Variants in TTLL7 observed in about 807,000 individuals in gnomAD.
The protein encoded by TTLL7 is tubulin tyrosine ligase like 7.
A neutral mutation model predicts 120.2 loss-of-function variants in TTLL7; 53 were observed. The observed-to-expected ratio is 0.44, with a 90% CI of 0.35 to 0.55. The LOEUF (loss-of-function observed/expected upper bound fraction) is 0.55. TTLL7 is among the 20% of genes least tolerant of loss of function. TTLL7 has a pLI of 0.00. For synonymous variants in TTLL7, 353 were observed against 351.7 expected, an observed-to-expected ratio of 1.00 and a Z score of -0.04; for missense variants, 803 against 1,054.7, an observed-to-expected ratio of 0.76 and a Z score of 3.31.
chr1:83,950,750 A>C (rs1236058492), intron 3 of TTLL7, among the ~76,000 whole-genome samples: 2 of 152,126 alleles, frequency 1.3e-5, no homozygotes, highest in East Asian at 3.9e-4. Context: ...GTCCCAGGTG[A>C]CAGTGTACAA....
intron 1 of TTLL7, among the ~76,000 whole-genome samples, chr1:83,983,238 T>C (rs1378067183): frequency 1.3e-5 from 2 of 151,874 alleles, no homozygotes; most frequent in East Asian, 3.9e-4. Context: ...GGCTGAGGCA[T>C]GAGAATCCCT....
Position 83,974,872 on chromosome 1 carries a change from A to G in TTLL7, c.-176-22485T>C, listed in dbSNP as rs565812891. Among the ~76,000 whole-genome samples, 5 of 152,186 alleles carry G rather than the reference A, an allele frequency of 3.3e-5. No homozygotes were observed. The East Asian group carries it at 5.8e-4, about 18-fold the overall frequency. ...ATCTAAAAATTTTTTTAAGTTTACA[A>G]TCTCTATTCTGGAGGCCAATTCCAT... On this transcript the variant is annotated intron_variant, in intron 1 of 20. Transcript: ENST00000260505.
Position 83,998,956 on chromosome 1 carries a change from TC to T in TTLL7, c.-203del. The stretch of plus-strand genomic sequence containing the variant: ...CCGGGTGAGGAAAGCCCAGCCCGGG[TC>T]CTCGCGTCCCCGCTGCAAGCGGTCC... On this transcript the variant is annotated 5_prime_UTR_variant, in exon 1 of 21. Transcript: ENST00000260505. 1 of 431,198 alleles carries T rather than the reference TC, an allele frequency of 2.3e-6. No individual in the cohort carries two copies. The highest frequency in any genetic ancestry group is 4.6e-6 in the Non-Finnish European group (1 of 216,232). The allele number at this position is 431,198 out of a possible 1,614,324, so 26.7% of individuals were successfully genotyped here.
At chr1:83,976,058 T>C (rs1651452173) in intron 1 of TTLL7, among the ~76,000 whole-genome samples, 1 of 150,844 alleles carries the variant, frequency 6.6e-6, no homozygotes, top group Non-Finnish European at 1.5e-5. Flanking sequence ...TGTGTGTGTG[T>C]GTGTGTGTGT....
chr1:83,887,406 G>A (rs1655056863), intron 19 of TTLL7: 2 of 235,132 alleles, frequency 8.5e-6, no homozygotes, highest in African/African-American at 2.3e-5. Flanking sequence ...GAGAAGGCAT[G>A]ATTCAAAGGA....
intron 1 of TTLL7, among the ~76,000 whole-genome samples, chr1:83,972,850 T>C (rs1651117021): frequency 6.6e-6 from 1 of 152,136 alleles, no homozygotes; most frequent in Non-Finnish European, 1.5e-5. Context: ...TTTATATGCT[T>C]ATTGCCATCT....
chr1:83,871,896 CA>C (rs1281907006), intron 20 of TTLL7, among the ~76,000 whole-genome samples: 1,247 of 43,990 alleles, frequency 0.028, 7 homozygotes, highest in African/African-American at 0.078. Context: ...GACTCCATCT[CA>C]AAAAAAAAAA....
chr1:83,970,774 G>A (rs1650899032), intron 1 of TTLL7, among the ~76,000 whole-genome samples: 1 of 151,986 alleles, frequency 6.6e-6, no homozygotes, highest in Non-Finnish European at 1.5e-5. Flanking sequence ...TAGAAATACT[G>A]GCAGGGGAGC....
rs377489362 is a variant in TTLL7, at chr1:83,919,706, C to A, written c.1493G>T (p.Arg498Met). 1.2e-6 allele frequency: 2 copies of A among 1,609,920 alleles called. No homozygotes were observed. Among genetic ancestry groups the A allele is most frequent in the South Asian group, 2.2e-5 (2 of 90,522 alleles). ...FQRELNNPLK[R>M]MKEEDILDLL... ...AAACATTCATTCTCTTACCTTCATC[C>A]TTTTCAAAGGATTATTCAACTCTCG... Residue 498 changes from arginine to methionine, a missense_variant, in exon 13 of 21, where the codon AGG becomes ATG. Physicochemically the swap from Arg to Met is moderately conservative, Grantham distance 91. Around this residue, in one of 3 missense-constraint regions of TTLL7, gnomAD observed 324 missense variants for 507.7 expected, o/e 0.64. Coordinates refer to ENST00000260505, the MANE Select transcript of TTLL7 (RefSeq NM_024686.6).
chr1:83,942,804 G>A, intron 6 of TTLL7, 125 bp from the exon 7 acceptor site: 1 of 649,138 alleles, frequency 1.5e-6, no homozygotes, highest in South Asian at 2.2e-5. Flanking sequence ...CTCCACAAAA[G>A]CAATGAAGAG....
chr1:83,887,022 TG>T (rs1443898655), intron 19 of TTLL7, among the ~76,000 whole-genome samples: 3 of 152,032 alleles, frequency 2.0e-5, no homozygotes, highest in Admixed American at 2.0e-4. Flanking sequence ...TTACTGGGCA[TG>T]GGCATCAGCA....
intron 9 of TTLL7, among the ~76,000 whole-genome samples, chr1:83,933,121 T>C (rs187911921): frequency 4.6e-5 from 7 of 152,166 alleles, no homozygotes; most frequent in East Asian, 3.9e-4. Flanking sequence ...CCCAGGTATA[T>C]AACATGGCCT....
At chr1:83,870,144 G>T (rs1653220225) in intron 20 of TTLL7, 62 bp from the exon 21 acceptor site, 2 of 1,434,262 alleles carry the variant, frequency 1.4e-6, no homozygotes, top group Non-Finnish European at 1.9e-6. Flanking sequence ...TCACTAAAGG[G>T]TTATGTGGTT....
intron 6 of TTLL7, among the ~76,000 whole-genome samples, chr1:83,943,608 T>C (rs1648190938): frequency 1.3e-5 from 2 of 152,310 alleles, no homozygotes; most frequent in South Asian, 4.1e-4. Context: ...TCAGTGGCCA[T>C]ACACAGCAAA....
intron 1 of TTLL7, among the ~76,000 whole-genome samples, chr1:83,990,272 T>C (rs2100642601): frequency 6.7e-6 from 1 of 149,568 alleles, no homozygotes; most frequent in East Asian, 2.0e-4. Flanking sequence ...GCTTCCTGGG[T>C]TCACGCCATT....
At chr1:83,921,489 G>A (rs1310464479) in intron 10 of TTLL7, 95 bp from the exon 11 acceptor site, 2 of 1,339,272 alleles carry the variant, frequency 1.5e-6, no homozygotes, top group African/African-American at 2.9e-5. Flanking sequence ...ACATAGTGAA[G>A]CTCAGAATCA....
chr1:83,902,516 A>T (rs1349705626), intron 18 of TTLL7, among the ~76,000 whole-genome samples: 4 of 152,042 alleles, frequency 2.6e-5, no homozygotes, highest in Admixed American at 6.6e-5. Flanking sequence ...GCAATATGTG[A>T]CACAATTGAT....
chr1:83,866,407 A>G lies in TTLL7; in HGVS notation c.*3555T>C, dbSNP rs1487985941. ...GTTAGATACAAAATTCCATACTCAT[A>G]TATTTTACAAATTAAAAAGACAGTT... On this transcript the variant is annotated 3_prime_UTR_variant, in exon 21 of 21. Coordinates refer to ENST00000260505, the MANE Select transcript of TTLL7 (RefSeq NM_024686.6). 6.6e-6 allele frequency: 1 copy of G among 151,888 alleles called. No individual in the cohort carries two copies. The highest frequency in any genetic ancestry group is 2.1e-4 in the South Asian group (1 of 4,832). The allele number at this position is 151,888 out of a possible 1,614,324, so 9.4% of individuals were successfully genotyped here.
intron 1 of TTLL7, chr1:83,979,461 T>C (rs1187113839): frequency 2.0e-5 from 3 of 152,168 alleles, no homozygotes; most frequent in African/African-American, 4.8e-5. Context: ...AGAGAAATAA[T>C]TGGGTAAGTC....
Sources: allele counts gnomAD v4.1 joint callset (sites outside exome capture counted in the v4.1 genomes callset), GRCh38; gene constraint gnomAD v4.1.1; regional missense constraint gnomAD v4.1.1; transcripts MANE v1.5; gene names NCBI Gene and HGNC (gene_info 2026-07-23, HGNC 2026-07-21).